Variants in OSBPL1A observed in about 807,000 individuals in gnomAD.
OSBPL1A encodes oxysterol-binding protein-related protein 1.
In OSBPL1A, 80 loss-of-function variants were observed where a neutral mutation model predicts 137.1. The ratio of observed to expected loss-of-function variants is 0.58; its 90% confidence interval spans 0.49 to 0.70. The LOEUF (loss-of-function observed/expected upper bound fraction) is 0.70, where lower values mean the gene tolerates loss of function less well. Ranked by LOEUF, OSBPL1A falls within the 30% of genes least tolerant of loss-of-function variation. The probability of loss-of-function intolerance (pLI) is 0.00; values close to 1 mark genes in which losing one functional copy is unlikely to be tolerated. For missense variants in OSBPL1A, 970 were observed against 1,129.4 expected, an observed-to-expected ratio of 0.86 and a Z score of 2.02; for synonymous variants, 365 against 389.7, an observed-to-expected ratio of 0.94 and a Z score of 0.75.
intron 14 of OSBPL1A, among the ~76,000 whole-genome samples, chr18:24,288,329 G>A (rs1333642073): frequency 6.6e-6 from 1 of 152,226 alleles, no homozygotes; most frequent in Non-Finnish European, 1.5e-5. Context: ...TAGACACACA[G>A]GTCATAAAGT....
intron 1 of OSBPL1A, among the ~76,000 whole-genome samples, chr18:24,394,405 T>G (rs575049974): frequency 6.6e-6 from 1 of 152,330 alleles, no homozygotes; most frequent in South Asian, 2.1e-4. Flanking sequence ...TTTGGTGCTA[T>G]AATTTTAGCT....
chr18:24,363,024 G>T (rs1269731660), intron 4 of OSBPL1A, among the ~76,000 whole-genome samples: 1 of 152,196 alleles, frequency 6.6e-6, no homozygotes, highest in Non-Finnish European at 1.5e-5. Flanking sequence ...AGAGGGAAAT[G>T]ACTTGATTTA....
At chr18:24,212,304 C>T (rs748178337) in intron 17 of OSBPL1A, among the ~76,000 whole-genome samples, 10 of 151,944 alleles carry the variant, frequency 6.6e-5, no homozygotes, top group Admixed American at 1.3e-4. Context: ...GTGATCCACC[C>T]GCCTCAGCCT....
chr18:24,336,096 G>C (rs2091169386), intron 5 of OSBPL1A, among the ~76,000 whole-genome samples: 1 of 152,156 alleles, frequency 6.6e-6, no homozygotes, highest in Non-Finnish European at 1.5e-5. Context: ...ACCACTGCAT[G>C]TATCACCCTG....
intron 17 of OSBPL1A, among the ~76,000 whole-genome samples, chr18:24,196,403 A>T (rs2087032700): frequency 6.6e-6 from 1 of 152,180 alleles, no homozygotes; most frequent in Non-Finnish European, 1.5e-5. Flanking sequence ...ATTCTGTAGC[A>T]ATCAACTGCT....
chr18:24,204,134 T>C (rs1018416422), intron 17 of OSBPL1A, among the ~76,000 whole-genome samples: 1 of 152,210 alleles, frequency 6.6e-6, no homozygotes, highest in Non-Finnish European at 1.5e-5. Context: ...TGGAGAAGCT[T>C]TTAACAATTT....
intron 17 of OSBPL1A, among the ~76,000 whole-genome samples, chr18:24,221,449 C>G (rs927304915): frequency 3.9e-5 from 6 of 152,178 alleles, no homozygotes; most frequent in Non-Finnish European, 8.8e-5. Context: ...TTTATTCAAG[C>G]TAATCAAGTG....
intron 22 of OSBPL1A, among the ~76,000 whole-genome samples, 158 bp from the exon 23 acceptor site, chr18:24,171,656 A>T (rs552791075): frequency 6.6e-6 from 1 of 152,312 alleles, no homozygotes; most frequent in African/African-American, 2.4e-5. Flanking sequence ...CTCAATTGGT[A>T]ATCTTCCCAC....
Position 24,167,354 on chromosome 18 carries a change from G to C in OSBPL1A, c.2510C>G (p.Ala837Gly). Reference protein sequence around the residue: ...IPGSVLLWRIAPRPPNSAQMY... With the variant: ...IPGSVLLWRIGPRPPNSAQMY... ...CTGGGCAGAATTTGGAGGCCGTGGG[G>C]CTATTCGCCATAGAAGAACGCTTCC... The change falls in exon 25 of 28, where the codon GCC (alanine) becomes GGC (glycine). Residue 837 changes from alanine to glycine, a missense_variant. Physicochemically the swap from Ala to Gly is moderately conservative, Grantham distance 60 (BLOSUM62 0). Coordinates refer to ENST00000319481, the MANE Select transcript of OSBPL1A (RefSeq NM_080597.4). The C allele has an allele frequency of 6.2e-7, 1 of 1,614,176 alleles. No individual in the cohort carries two copies. Among genetic ancestry groups the C allele is most frequent in the Non-Finnish European group, 8.5e-7 (1 of 1,180,024 alleles).
chr18:24,276,864 A>G (rs2146068061), intron 15 of OSBPL1A, among the ~76,000 whole-genome samples: 1 of 152,364 alleles, frequency 6.6e-6, no homozygotes, highest in East Asian at 1.9e-4. Flanking sequence ...AGCAAAAAAC[A>G]CCCACATACC....
At chr18:24,229,556 G>A (rs924505167) in intron 16 of OSBPL1A, among the ~76,000 whole-genome samples, 2 of 152,098 alleles carry the variant, frequency 1.3e-5, no homozygotes, top group Non-Finnish European at 2.9e-5. Context: ...GTACAGCATC[G>A]TTTCATGTGG....
intron 4 of OSBPL1A, among the ~76,000 whole-genome samples, chr18:24,353,294 G>A (rs1288985399): frequency 2.6e-5 from 4 of 152,110 alleles, no homozygotes; most frequent in South Asian, 2.1e-4. Flanking sequence ...AGACATTTAC[G>A]CAGCCAAAAA....
chr18:24,205,475 G>C (rs1416173069), intron 17 of OSBPL1A, among the ~76,000 whole-genome samples: 2 of 152,070 alleles, frequency 1.3e-5, no homozygotes, highest in African/African-American at 4.8e-5. Context: ...TGAAAATTCT[G>C]TCCCAACAAT....
chr18:24,179,647 C>T (rs2086545918), intron 20 of OSBPL1A, 91 bp downstream of exon 20: 1 of 1,078,686 alleles, frequency 9.3e-7, no homozygotes, highest in East Asian at 2.5e-5. Flanking sequence ...TGCTCCAGTC[C>T]TATATAATTG....
chr18:24,261,450 C>T (rs1451199756), intron 15 of OSBPL1A, among the ~76,000 whole-genome samples: 2 of 152,000 alleles, frequency 1.3e-5, no homozygotes, highest in Non-Finnish European at 1.5e-5. Flanking sequence ...AAAATGATAG[C>T]ATTTAGCAAT....
intron 1 of OSBPL1A, among the ~76,000 whole-genome samples, chr18:24,393,313 A>T (rs1907493518): frequency 6.6e-6 from 1 of 152,272 alleles, no homozygotes; most frequent in Non-Finnish European, 1.5e-5. Flanking sequence ...CGAATTCATT[A>T]ATCTAACACT....
intron 14 of OSBPL1A, among the ~76,000 whole-genome samples, chr18:24,296,599 C>G (rs2146094064): frequency 6.6e-6 from 1 of 152,210 alleles, no homozygotes; most frequent in South Asian, 2.1e-4. Flanking sequence ...AGAGGGAATG[C>G]TTTCAATTTT....
intron 15 of OSBPL1A, among the ~76,000 whole-genome samples, chr18:24,263,807 T>G (rs1017242623): frequency 3.3e-5 from 5 of 152,230 alleles, no homozygotes; most frequent in African/African-American, 9.6e-5. Flanking sequence ...GGCTAATTTT[T>G]TTGTATTTTT....
intron 9 of OSBPL1A, among the ~76,000 whole-genome samples, chr18:24,317,769 T>C (rs192058433): frequency 1.5e-3 from 227 of 152,270 alleles, no homozygotes; most frequent in African/African-American, 5.1e-3. Flanking sequence ...TCTTATACAA[T>C]ATAAGCATAC....
Sources: allele counts gnomAD v4.1 joint callset (sites outside exome capture counted in the v4.1 genomes callset), GRCh38; gene constraint gnomAD v4.1.1; transcripts MANE v1.5; gene names NCBI Gene and HGNC (gene_info 2026-07-23, HGNC 2026-07-21).